GTF2IRD1: variants seen among roughly 807,000 people sequenced by gnomAD.
The protein encoded by GTF2IRD1 is GTF2I repeat domain containing 1.
Under a neutral mutation model 113.2 loss-of-function variants are expected in GTF2IRD1, and 26 were observed. That is an observed-to-expected ratio of 0.23 (90% CI 0.17 to 0.32). GTF2IRD1 has a LOEUF of 0.32. Ranked by LOEUF, GTF2IRD1 falls within the 10% of genes least tolerant of loss-of-function variation. The pLI, the probability that GTF2IRD1 is intolerant of heterozygous loss-of-function variation, is 1.00. For missense variants in GTF2IRD1, 864 were observed against 1,280.8 expected (o/e 0.67, Z 4.97); for synonymous variants, 484 against 529.1 (o/e 0.91, Z 1.17).
At chr7:74,461,827 C>T (rs1793389188) in intron 1 of GTF2IRD1, among the ~76,000 whole-genome samples, 1 of 152,202 alleles carries the variant, frequency 6.6e-6, no homozygotes, top group African/African-American at 2.4e-5. Context: ...GATCTGTCCA[C>T]CTTGACTTCC....
intron 25 of GTF2IRD1, among the ~76,000 whole-genome samples, chr7:74,597,425 A>T (rs1802489362): frequency 6.7e-6 from 1 of 148,966 alleles, no homozygotes; most frequent in South Asian, 2.1e-4. Flanking sequence ...GGCTCACTGC[A>T]ACCTCCGCCT....
chr7:74,528,803 GTGGA>G (rs1243826177), intron 8 of GTF2IRD1, among the ~76,000 whole-genome samples: 12,035 of 50,916 alleles, frequency 0.24, 695 homozygotes, highest in Non-Finnish European at 0.28. Context: ...GGGTGGGTGG[GTGGA>G]TGGATGGATG....
At chr7:74,459,319 G>A (rs1015958648) in intron 1 of GTF2IRD1, among the ~76,000 whole-genome samples, 2 of 152,014 alleles carry the variant, frequency 1.3e-5, no homozygotes, top group African/African-American at 2.4e-5. Flanking sequence ...TTAGCCAGGC[G>A]TAGTGGCGGG....
In GTF2IRD1 at chr7:74,592,145, G is replaced by A. The variant is rs587699952; in HGVS notation, c.2591+1128G>A. On this transcript the variant is annotated intron_variant, in intron 24 of 26. Coordinates refer to ENST00000424337, the MANE Select transcript of GTF2IRD1 (RefSeq NM_005685.4). ...GATGGACTCTCGTTCTGTCACACAG[G>A]CTGGAATGCAGTGGTGTGATCTCAG... Among the ~76,000 whole-genome samples the A allele has an allele frequency of 3.3e-5, 5 of 152,018 alleles. No individual in the cohort carries two copies. In the East Asian group the frequency reaches 9.6e-4, roughly 29 times the overall value.
intron 22 of GTF2IRD1, among the ~76,000 whole-genome samples, chr7:74,587,180 C>T (rs1438293082): frequency 6.6e-6 from 1 of 152,112 alleles, no homozygotes; most frequent in Non-Finnish European, 1.5e-5. Context: ...CACAGTGGCT[C>T]ACGCCTGTAA....
chr7:74,496,360 G>A (rs1554337903), intron 1 of GTF2IRD1, among the ~76,000 whole-genome samples: 1 of 149,530 alleles, frequency 6.7e-6, no homozygotes. Flanking sequence ...GTGTGTGGGT[G>A]CATGTGTGTG....
chr7:74,599,641 C>T (rs1229162637), intron 25 of GTF2IRD1, among the ~76,000 whole-genome samples: 1 of 152,194 alleles, frequency 6.6e-6, no homozygotes, highest in African/African-American at 2.4e-5. Flanking sequence ...GAACTCTCCA[C>T]TCAGGACCAC....
intron 1 of GTF2IRD1, among the ~76,000 whole-genome samples, chr7:74,468,806 C>T (rs973253069): frequency 1.3e-5 from 2 of 148,380 alleles, no homozygotes; most frequent in African/African-American, 2.5e-5. Context: ...ATGGAAGGGC[C>T]GGGCGCGGTG....
chr7:74,596,338 G>A (rs60368032), intron 25 of GTF2IRD1, among the ~76,000 whole-genome samples: 2,816 of 151,796 alleles, frequency 0.019, 92 homozygotes, highest in African/African-American at 0.064. Flanking sequence ...GCACGTGCCT[G>A]TAATCCCAGC....
In GTF2IRD1 at chr7:74,519,697, C is replaced by T. The variant is rs1797153873; in HGVS notation, c.894C>T (p.Ala298=). The change falls in exon 6 of 27, where the codon GCC becomes GCT. Residue 298 remains alanine (A), a synonymous_variant. Transcript: ENST00000424337. ...TGCCAGAGCCCAAGGCCACCGGTGC[C>T]CAAGACTTCTCCGACTGTTGTGGTA... ...RPMPEPKATG[A]QDFSDCCGQK... is the part of the protein sequence containing the mutation. 6.3e-7 allele frequency: 1 copy of T among 1,583,310 alleles called. No homozygotes were observed. The highest frequency in any genetic ancestry group is 8.6e-7 in the Non-Finnish European group (1 of 1,164,934).
rs587670290 is a variant in GTF2IRD1, at chr7:74,566,402, G to A, written c.2320+6747G>A. ...CTGTCCCCCAGGCTGGACTGCAGTC[G>A]TGTGATCTCAACTCACCGTAACCTC... On this transcript the variant is annotated intron_variant, in intron 22 of 26. Transcript: ENST00000424337. Among the ~76,000 whole-genome samples the A allele has an allele frequency of 7.2e-5, 11 of 152,236 alleles. No individual in the cohort carries two copies. In the East Asian group the frequency reaches 1.2e-3, roughly 16 times the overall value.
At chr7:74,454,757 G>A (rs969367907) in intron 1 of GTF2IRD1, among the ~76,000 whole-genome samples, 4 of 152,136 alleles carry the variant, frequency 2.6e-5, no homozygotes, top group Middle Eastern at 3.2e-3. Context: ...GCTGAATCCC[G>A]GGTGGAGGGG....
At chr7:74,520,626 A>G (rs188868298) in intron 6 of GTF2IRD1, among the ~76,000 whole-genome samples, 163 of 151,894 alleles carry the variant, frequency 1.1e-3, no homozygotes, top group Admixed American at 4.7e-3. Context: ...AATGTGCTCA[A>G]GTTTGAGAGT....
chr7:74,550,151 G>A (rs1799220318), intron 17 of GTF2IRD1, among the ~76,000 whole-genome samples: 1 of 151,956 alleles, frequency 6.6e-6, no homozygotes, highest in African/African-American at 2.4e-5. Flanking sequence ...AGCCGAGATC[G>A]CACTCCTGCA....
At chr7:74,534,097 C>CCGT (rs1327278472) in intron 9 of GTF2IRD1, among the ~76,000 whole-genome samples, 1 of 151,904 alleles carries the variant, frequency 6.6e-6, no homozygotes, top group African/African-American at 2.4e-5. Context: ...CTGCTCTGTG[C>CCGT]CGTCCTGTGC....
intron 1 of GTF2IRD1, among the ~76,000 whole-genome samples, chr7:74,494,403 G>A (rs551050351): frequency 6.6e-6 from 1 of 152,224 alleles, no homozygotes; most frequent in East Asian, 1.9e-4. Context: ...GTGGCCTCAG[G>A]ATAGTCGGGC....
At chr7:74,573,325 C>A (rs761424382) in intron 22 of GTF2IRD1, among the ~76,000 whole-genome samples, 2 of 151,674 alleles carry the variant, frequency 1.3e-5, no homozygotes, top group Non-Finnish European at 2.9e-5. Context: ...TCACTTGAGC[C>A]CAGGAGGTTG....
chr7:74,528,071 T>A (rs1797710334), intron 8 of GTF2IRD1, among the ~76,000 whole-genome samples: 1 of 152,186 alleles, frequency 6.6e-6, no homozygotes, highest in South Asian at 2.1e-4. Context: ...GGCACACACC[T>A]GTGCTCACCT....
At chr7:74,572,587 C>T (rs1554362936) in intron 22 of GTF2IRD1, 1 of 981,566 alleles carries the variant, frequency 1.0e-6, no homozygotes, top group African/African-American at 1.7e-5. Flanking sequence ...ATCCTCCCTT[C>T]TGCTGCCCAA....
Sources: gnomAD v4.1 joint callset for allele counts (sites outside exome capture counted in the v4.1 genomes callset) on GRCh38, gnomAD v4.1.1 for gene constraint, MANE v1.5 for transcripts, NCBI Gene and HGNC (gene_info 2026-07-23, HGNC 2026-07-21) for gene names.